The following GRIK5 variants were observed in gnomAD, a reference collection of about 807,000 sequenced individuals.
The protein encoded by GRIK5 is glutamate ionotropic receptor kainate type subunit 5.
Under a neutral mutation model 97.4 loss-of-function variants are expected in GRIK5, and 43 were observed. The observed-to-expected ratio is 0.44, with a 90% CI of 0.35 to 0.57. The LOEUF (loss-of-function observed/expected upper bound fraction) is 0.57. Among genes scored for constraint, GRIK5 ranks in the 20% least tolerant of loss-of-function variants. GRIK5 has a pLI of 0.01. For synonymous variants in GRIK5, 580 were observed against 583.5 expected (o/e 0.99, Z 0.09); for missense variants, 1,015 against 1,382.0 (o/e 0.73, Z 4.21).
rs761507091 is a variant in GRIK5 at position 42,022,079 on chromosome 19, C to T, written c.1588-23G>A. 4 of 1,548,458 alleles carry T rather than the reference C, an allele frequency of 2.6e-6. No homozygotes were observed. Among genetic ancestry groups the T allele is most frequent in the Non-Finnish European group, 3.6e-6 (4 of 1,125,168 alleles). The stretch of plus-strand genomic sequence containing the variant: ...GCCCTGTGGGGAGAGGGAGTGAGAC[C>T]CGGAGACACCCCTGGCCTGAGCCTC... On this transcript the variant is annotated intron_variant, in intron 13 of 19. Transcript: ENST00000593562. This position sits in a 1 kb window ranked among gnomAD's most constrained non-coding sequence, Gnocchi z 4.2.
chr19:42,045,574 C>A (rs1427098012), intron 11 of GRIK5, among the ~76,000 whole-genome samples: 1 of 152,178 alleles, frequency 6.6e-6, no homozygotes, highest in Non-Finnish European at 1.5e-5. Context: ...GAATCTCCTA[C>A]TATGTGGCCA....
chr19:42,038,605 A>G (rs2075937998), intron 12 of GRIK5, among the ~76,000 whole-genome samples: 2 of 152,236 alleles, frequency 1.3e-5, no homozygotes, highest in African/African-American at 2.4e-5. Context: ...GTGTACTCCG[A>G]GCTTCCCAAG....
chr19:42,010,712 G>A lies in GRIK5; in HGVS notation c.1872-3902C>T, dbSNP rs185595445. The stretch of plus-strand genomic sequence containing the variant: ...AAGAAACACAACACCAGATAGAAAC[G>A]TGGATGTACCAGAAGGGGTGAAGGG... On this transcript the variant is annotated intron_variant, in intron 15 of 19. Coordinates refer to ENST00000593562, the MANE Select transcript of GRIK5 (RefSeq NM_002088.5). Among the ~76,000 whole-genome samples the A allele has an allele frequency of 6.6e-5, 10 of 152,320 alleles. No individual in the cohort carries two copies. In the East Asian group the frequency reaches 1.7e-3, roughly 26 times the overall value.
In GRIK5 at chr19:42,003,842, A is replaced by C; in HGVS notation, c.2264-159T>G. On this transcript the variant is annotated intron_variant, in intron 17 of 19. Coordinates refer to ENST00000593562, the MANE Select transcript of GRIK5 (RefSeq NM_002088.5). The surrounding 1 kb of genome is among the most constrained non-coding windows in gnomAD (Gnocchi z 4.2). Reference sequence around the variant, plus strand: ...CTCACCCCCAGCCCAGTCTCCTCTCAACACAGCAGCCAGAGAGACAGTGTT... The same window carrying C: ...CTCACCCCCAGCCCAGTCTCCTCTCCACACAGCAGCCAGAGAGACAGTGTT... 1 of 683,606 alleles carries C rather than the reference A, an allele frequency of 1.5e-6. No individual in the cohort carries two copies. 42.3% of individuals were successfully genotyped at this position (683,606 alleles called of 1,614,324 possible).
At chr19:42,010,998 G>A (rs780687875) in intron 15 of GRIK5, among the ~76,000 whole-genome samples, 1 of 151,838 alleles carries the variant, frequency 6.6e-6, no homozygotes, top group Non-Finnish European at 1.5e-5. Context: ...GTAGAGATGA[G>A]GTCTCGCTAT....
intron 12 of GRIK5, among the ~76,000 whole-genome samples, chr19:42,035,853 T>C (rs2075897880): frequency 6.6e-6 from 1 of 152,226 alleles, no homozygotes; most frequent in Non-Finnish European, 1.5e-5. Context: ...TATCATTTAG[T>C]ATTACATATA....
Position 42,005,820 on chromosome 19 carries a change from C to G in GRIK5, c.2166G>C (p.Glu722Asp). The G allele has an allele frequency of 6.2e-7, 1 of 1,614,012 alleles. No individual in the cohort carries two copies. Residue 722 changes from glutamate to aspartate, a missense_variant, in exon 17 of 20, where the codon GAG (glutamate) becomes GAC (aspartate). Physicochemically the swap from Glu to Asp is conservative, Grantham distance 45 (BLOSUM62 2). Around this residue, in one of 5 missense-constraint regions of GRIK5, gnomAD observed 229 missense variants for 341.0 expected, o/e 0.67. Transcript: ENST00000593562. ...GCCGGTGGTATTCGTTCATGGTGGACTCGAGCAGGAAGGCGTAGCGGGAGT... is the reference window on the plus strand; with the variant it reads ...GCCGGTGGTATTCGTTCATGGTGGAGTCGAGCAGGAAGGCGTAGCGGGAGT... ...VLNSRYAFLL[E>D]STMNEYHRRL...
chr19:42,032,375 C>CT (rs1441748672), intron 12 of GRIK5, among the ~76,000 whole-genome samples: 2 of 152,184 alleles, frequency 1.3e-5, no homozygotes, highest in Non-Finnish European at 1.5e-5. Flanking sequence ...TTCTCATGCA[C>CT]TTTGGTAGGA....
At chr19:42,057,274 G>A (rs2146156559) in intron 6 of GRIK5, among the ~76,000 whole-genome samples, 1 of 152,202 alleles carries the variant, frequency 6.6e-6, no homozygotes, top group Middle Eastern at 3.4e-3. Flanking sequence ...GAGAGAATAG[G>A]ACTCCCAAAT....
At chr19:42,040,077 A>G (rs1429757651) in intron 12 of GRIK5, among the ~76,000 whole-genome samples, 1 of 152,206 alleles carries the variant, frequency 6.6e-6, no homozygotes, top group Non-Finnish European at 1.5e-5. Flanking sequence ...AAACAACCCT[A>G]TGTGCTAAAG....
Position 42,065,216 on chromosome 19 carries a change from C to G in GRIK5, c.244+7G>C. 1.2e-6 allele frequency: 2 copies of G among 1,604,686 alleles called. No homozygotes were observed. Among genetic ancestry groups the G allele is most frequent in the Non-Finnish European group, 8.5e-7 (1 of 1,173,948 alleles). On this transcript the variant is annotated splice_region_variant and intron_variant, in intron 3 of 19. Coordinates refer to ENST00000593562, the MANE Select transcript of GRIK5 (RefSeq NM_002088.5). This position sits in a 1 kb window ranked among gnomAD's most constrained non-coding sequence, Gnocchi z 5.8. ...GCCTCACCCCACGCCCCCATGGCCCCGCTCACTGGTGTCCGTGGTCTCGTA... is the reference window on the plus strand; with the variant it reads ...GCCTCACCCCACGCCCCCATGGCCCGGCTCACTGGTGTCCGTGGTCTCGTA...
At chr19:42,034,800 A>G (rs2075881424) in intron 12 of GRIK5, among the ~76,000 whole-genome samples, 1 of 143,738 alleles carries the variant, frequency 7.0e-6, no homozygotes, top group African/African-American at 2.6e-5. Flanking sequence ...TTCACCTAAC[A>G]CGATATTAAT....
intron 11 of GRIK5, among the ~76,000 whole-genome samples, chr19:42,047,846 C>T (rs1018925235): frequency 1.3e-5 from 2 of 151,666 alleles, no homozygotes; most frequent in African/African-American, 4.8e-5. Context: ...TGGTGGGCGC[C>T]TGTAATCCCA....
In GRIK5 at chr19:42,065,576, G is replaced by T; in HGVS notation, c.79+116C>A. The T allele has an allele frequency of 8.7e-6, 9 of 1,030,624 alleles. No individual in the cohort carries two copies. Among genetic ancestry groups the T allele is most frequent in the Non-Finnish European group, 1.3e-5 (9 of 705,022 alleles). 63.8% of individuals were successfully genotyped at this position (1,030,624 alleles called of 1,614,324 possible). A position where few individuals can be genotyped will look rare whatever the true frequency, so the allele number is the denominator to read the frequency against. On this transcript the variant is annotated intron_variant, in intron 2 of 19. Coordinates refer to ENST00000593562, the MANE Select transcript of GRIK5 (RefSeq NM_002088.5). The surrounding 1 kb of genome is among the most constrained non-coding windows in gnomAD (Gnocchi z 5.8). ...TGGGGGAAGGAGGAACTGGAGGCTG[G>T]GATTCCTTGCTGCTGAAGAGAGCTG...
Position 42,062,789 on chromosome 19 carries a change from G to C in GRIK5, c.311C>G (p.Ser104Cys). The change falls in exon 4 of 20, where the codon TCC (serine) becomes TGC (cysteine). Residue 104 changes from serine to cysteine, a missense_variant. Physicochemically the swap from Ser to Cys is moderately radical, Grantham distance 112. Transcript: ENST00000593562. The surrounding 1 kb of genome is among the most constrained non-coding windows in gnomAD (Gnocchi z 5.3). ...LGPSSSPASA[S>C]TVSHICGEKE... ...CTCTCCACAGATATGGCTCACGGTG[G>C]AGGCAGATGCTGGGCTAGAGGAGGG... The C allele has an allele frequency of 1.2e-6, 2 of 1,614,078 alleles. No individual in the cohort carries two copies. Among genetic ancestry groups the C allele is most frequent in the Non-Finnish European group, 1.7e-6 (2 of 1,179,928 alleles).
At chr19:42,024,712 T>A (rs2075748020) in intron 12 of GRIK5, among the ~76,000 whole-genome samples, 1 of 151,920 alleles carries the variant, frequency 6.6e-6, no homozygotes, top group East Asian at 1.9e-4. Context: ...AGCCGACGGC[T>A]CCCCCACCGC....
intron 12 of GRIK5, among the ~76,000 whole-genome samples, chr19:42,024,533 CG>C (rs1344662076): frequency 2.0e-5 from 3 of 152,114 alleles, no homozygotes; most frequent in Admixed American, 2.0e-4. Flanking sequence ...GTTCTTAGCA[CG>C]ACTGGAGATG....
intron 12 of GRIK5, among the ~76,000 whole-genome samples, chr19:42,039,055 C>T (rs1462729746): frequency 4.6e-5 from 7 of 152,190 alleles, no homozygotes; most frequent in Non-Finnish European, 1.0e-4. Context: ...AGCCCTTCCC[C>T]TAGTCTCTAG....
chr19:42,054,200 G>A (rs1268123161), intron 9 of GRIK5, 120 bp downstream of exon 9: 42 of 1,064,434 alleles, frequency 3.9e-5, no homozygotes. Flanking sequence ...GTGGACAGGG[G>A]AGGCAGTGGG....
Sources: allele counts gnomAD v4.1 joint callset (sites outside exome capture counted in the v4.1 genomes callset), GRCh38; gene constraint gnomAD v4.1.1; regional missense constraint gnomAD v4.1.1; non-coding constraint Gnocchi (gnomAD v3.1); transcripts MANE v1.5; gene names NCBI Gene and HGNC (gene_info 2026-07-23, HGNC 2026-07-21).